ZNG1A: variants seen among roughly 807,000 people sequenced by gnomAD.
ZNG1A encodes the protein Zn regulated GTPase metalloprotein activator 1A, also known as zinc-regulated GTPase metalloprotein activator 1A.
At chr9:167,736 G>C in the ZNG1A span, 2 of 149,880 alleles carry the variant, frequency 1.3e-5, no homozygotes, top group African/African-American at 5.0e-5. Context: ...GTGTTCAAGT[G>C]AAAGGAACAG....
chr9:172,087 C>G, the ZNG1A span: 1 of 1,610,958 alleles, frequency 6.2e-7, no homozygotes, highest in Admixed American at 1.7e-5. Context: ...TTACCAGGGT[C>G]TGCTAATCCA....
At chr9:140,293 T>C in the ZNG1A span, among the ~76,000 whole-genome samples, 1 of 151,852 alleles carries the variant, frequency 6.6e-6, no homozygotes, top group Admixed American at 6.5e-5. Flanking sequence ...GCAGTGGTTC[T>C]CCCAGCACGC....
the ZNG1A span, among the ~76,000 whole-genome samples, chr9:139,791 G>T: frequency 6.6e-6 from 1 of 151,560 alleles, no homozygotes; most frequent in Non-Finnish European, 1.5e-5. Context: ...GTGGGCGCAG[G>T]TCAGTGGGTG....
chr9:146,174 C>A, the ZNG1A span: 17 of 1,580,526 alleles, frequency 1.1e-5, no homozygotes, highest in East Asian at 3.8e-4. Flanking sequence ...AGGAAGAAAA[C>A]TAACGTGAGC....
the ZNG1A span, among the ~76,000 whole-genome samples, chr9:174,537 G>A: frequency 4.6e-5 from 7 of 151,994 alleles, no homozygotes; most frequent in South Asian, 1.5e-3. Flanking sequence ...AAGAATAAAT[G>A]TAATCAGTGT....
the ZNG1A span, among the ~76,000 whole-genome samples, chr9:171,442 G>A: frequency 6.6e-6 from 1 of 152,066 alleles, no homozygotes; most frequent in Non-Finnish European, 1.5e-5. Context: ...AAAATAAGCA[G>A]ACTTTATCAA....
chr9:163,993 C>T, the ZNG1A span: 25 of 1,596,048 alleles, frequency 1.6e-5, 1 homozygote, highest in East Asian at 3.3e-4. Context: ...AGATAAATAT[C>T]ACTCCCTAAT....
At chr9:131,295 A>T in the ZNG1A span, among the ~76,000 whole-genome samples, 1 of 145,320 alleles carries the variant, frequency 6.9e-6, no homozygotes, top group South Asian at 2.2e-4. Flanking sequence ...CAAAATAAGG[A>T]ATTGTCTCTA....
chr9:142,121 T>C, the ZNG1A span, among the ~76,000 whole-genome samples: 2 of 146,950 alleles, frequency 1.4e-5, no homozygotes, highest in African/African-American at 2.6e-5. Context: ...CTGTCAACAT[T>C]AGACAGATCA....
At chr9:133,715 C>G in the ZNG1A span, among the ~76,000 whole-genome samples, 1 of 138,288 alleles carries the variant, frequency 7.2e-6, no homozygotes, top group Non-Finnish European at 1.6e-5. Flanking sequence ...TTTAAAAAGG[C>G]TCCACATGCG....
the ZNG1A span, among the ~76,000 whole-genome samples, chr9:133,463 TG>T: frequency 3.4e-5 from 5 of 149,216 alleles, no homozygotes; most frequent in African/African-American, 5.0e-5. Context: ...AAAATACATT[TG>T]TTTTTTTTAA....
At chr9:171,348 T>A in the ZNG1A span, among the ~76,000 whole-genome samples, 14 of 151,182 alleles carry the variant, frequency 9.3e-5, no homozygotes, top group African/African-American at 2.9e-4. Context: ...AAAAAAAAAA[T>A]AATGGTATGG....
chr9:160,411 G>C, the ZNG1A span, among the ~76,000 whole-genome samples: 7 of 152,068 alleles, frequency 4.6e-5, no homozygotes, highest in East Asian at 1.4e-3. Context: ...AATTGGACAA[G>C]TTGGAAAATT....
chr9:140,091 C>T, the ZNG1A span, among the ~76,000 whole-genome samples: 3 of 150,732 alleles, frequency 2.0e-5, no homozygotes, highest in African/African-American at 2.5e-5. Context: ...CGGGGAGGGG[C>T]GCTGGCCATT....
chr9:140,410 C>T, the ZNG1A span, among the ~76,000 whole-genome samples: 17 of 151,100 alleles, frequency 1.1e-4, no homozygotes, highest in Admixed American at 2.0e-4. Context: ...CAGGCTGACA[C>T]CTCACACGGC....
the ZNG1A span, among the ~76,000 whole-genome samples, chr9:156,105 T>G: frequency 6.7e-6 from 1 of 149,486 alleles, no homozygotes; most frequent in Non-Finnish European, 1.5e-5. Context: ...TCAGCCTGGG[T>G]GACAGTGAGA....
chr9:152,642 C>G, the ZNG1A span, among the ~76,000 whole-genome samples: 1 of 151,976 alleles, frequency 6.6e-6, no homozygotes. Context: ...TGCCTGTTCT[C>G]CCTCTTTTGA....
the ZNG1A span, among the ~76,000 whole-genome samples, chr9:157,803 A>T: frequency 3.4e-5 from 5 of 149,092 alleles, no homozygotes; most frequent in Non-Finnish European, 7.5e-5. Flanking sequence ...TTCACAATTC[A>T]TGGGGAGATG....
At chr9:159,514 C>T in the ZNG1A span, among the ~76,000 whole-genome samples, 5 of 152,156 alleles carry the variant, frequency 3.3e-5, no homozygotes, top group Non-Finnish European at 5.9e-5. Context: ...GTAATTCACA[C>T]ATTGTATACC....
Sources: gnomAD v4.1 joint callset for allele counts (sites outside exome capture counted in the v4.1 genomes callset) on GRCh38, gnomAD v4.1.1 for gene constraint, MANE v1.5 for transcripts, NCBI Gene and HGNC (gene_info 2026-07-23, HGNC 2026-07-21) for gene names.